IKZF2: variants seen among roughly 807,000 people sequenced by gnomAD.
IKZF2 encodes the protein zinc finger protein Helios.
Under a neutral mutation model 49.2 loss-of-function variants are expected in IKZF2, and 15 were observed. The observed-to-expected ratio is 0.30, with a 90% CI of 0.20 to 0.47. The LOEUF (loss-of-function observed/expected upper bound fraction) is 0.47, where lower values mean the gene tolerates loss of function less well. IKZF2 is among the 20% of genes least tolerant of loss of function. The probability of loss-of-function intolerance (pLI) is 1.00; values close to 1 mark genes in which losing one functional copy is unlikely to be tolerated. For synonymous variants in IKZF2, 227 were observed against 221.4 expected, an observed-to-expected ratio of 1.03 and a Z score of -0.23; for missense variants, 567 against 664.6, an observed-to-expected ratio of 0.85 and a Z score of 1.61.
chr2:213,150,458 T>C (rs1162278375), intron 1 of IKZF2: 6 of 207,894 alleles, frequency 2.9e-5, no homozygotes, highest in East Asian at 1.7e-4. Flanking sequence ...AACACCCCCC[T>C]CCTCCTCCTC....
chr2:213,148,607 C>T lies in IKZF2; in HGVS notation c.23G>A (p.Gly8Asp), dbSNP rs2125993034. The change falls in exon 3 of 9, where the codon GGC becomes GAC. Residue 8 changes from glycine to aspartate, a missense_variant. Transcript: ENST00000434687. Reference protein sequence around the residue: METEAIDGYITCDNELSP... With the variant: METEAIDDYITCDNELSP... The stretch of plus-strand genomic sequence containing the variant: ...AAACTAATACTTACACGTTATATAG[C>T]CATCAATAGCCTCTGTTTCCATAGT... 1.9e-6 allele frequency: 3 copies of T among 1,611,242 alleles called. No homozygotes were observed. Among genetic ancestry groups the T allele is most frequent in the African/African-American group, 1.3e-5 (1 of 74,976 alleles).
At chr2:213,088,421 T>C (rs1213262426) in intron 4 of IKZF2, among the ~76,000 whole-genome samples, 1 of 152,174 alleles carries the variant, frequency 6.6e-6, no homozygotes, top group African/African-American at 2.4e-5. Flanking sequence ...TATTAATTTA[T>C]ATCCAATTTC....
intron 4 of IKZF2, among the ~76,000 whole-genome samples, chr2:213,127,611 GT>G (rs2060309364): frequency 6.6e-6 from 1 of 152,160 alleles, no homozygotes; most frequent in African/African-American, 2.4e-5. Flanking sequence ...CTTCCAGATA[GT>G]TCATCCCATT....
intron 8 of IKZF2, among the ~76,000 whole-genome samples, chr2:213,013,011 T>C (rs76566949): frequency 2.0e-5 from 3 of 151,964 alleles, no homozygotes; most frequent in African/African-American, 7.2e-5. Context: ...ACAGCATGCA[T>C]CCAGAATGAT....
chr2:213,065,133 G>GT (rs1702049685), intron 4 of IKZF2, among the ~76,000 whole-genome samples: 1 of 151,504 alleles, frequency 6.6e-6, no homozygotes, highest in South Asian at 2.1e-4. Context: ...AGGTTTTTTT[G>GT]TTTTTTCTCA....
At chr2:213,138,500 CA>C (rs1339057584) in intron 4 of IKZF2, among the ~76,000 whole-genome samples, 1 of 151,940 alleles carries the variant, frequency 6.6e-6, no homozygotes, top group Non-Finnish European at 1.5e-5. Flanking sequence ...TCAAGTAGAT[CA>C]GAAGCATACT....
intron 7 of IKZF2, 97 bp downstream of exon 7, chr2:213,021,896 A>G (rs1697260165): frequency 1.7e-5 from 22 of 1,301,094 alleles, no homozygotes; most frequent in Non-Finnish European, 2.3e-5. Context: ...AGTTAAAGTG[A>G]TCTAAAATAG....
chr2:213,056,466 T>G (rs1701160070), intron 5 of IKZF2: 1 of 338,146 alleles, frequency 3.0e-6, no homozygotes, highest in Non-Finnish European at 5.7e-6. Context: ...TTTTGTAGTA[T>G]AAACTCTTAT....
At chr2:213,144,006 G>A (rs2060961232) in intron 4 of IKZF2, among the ~76,000 whole-genome samples, 1 of 151,834 alleles carries the variant, frequency 6.6e-6, no homozygotes, top group Non-Finnish European at 1.5e-5. Context: ...TCTCTAAGAG[G>A]TAAATTGATT....
Position 213,006,990 on chromosome 2 carries a change from T to G in IKZF2, c.*370A>C. ...AGTCCTACCCAGAAAACTCTGAACT[T>G]TCCTGTCTTCCATCATAATTCTGAA... On this transcript the variant is annotated 3_prime_UTR_variant, in exon 9 of 9. Transcript: ENST00000434687. 5.9e-6 allele frequency: 1 copy of G among 169,040 alleles called. No individual in the cohort carries two copies. 10.5% of individuals were successfully genotyped at this position (169,040 alleles called of 1,614,324 possible).
intron 4 of IKZF2, among the ~76,000 whole-genome samples, chr2:213,135,386 A>G (rs1280738623): frequency 6.6e-6 from 1 of 152,180 alleles, no homozygotes; most frequent in Non-Finnish European, 1.5e-5. Flanking sequence ...TTATTTGGAA[A>G]TGCCACTGTA....
intron 6 of IKZF2, among the ~76,000 whole-genome samples, chr2:213,047,737 G>T (rs1384467777): frequency 6.6e-6 from 1 of 152,040 alleles, no homozygotes; most frequent in East Asian, 1.9e-4. Flanking sequence ...AGGACAAGAA[G>T]AACTATGCTT....
Position 213,007,276 on chromosome 2 carries a change from T to C in IKZF2, c.*84A>G, listed in dbSNP as rs1040555202. ...AAAAAAATAAAAGGTATGTCAACATTTGAGGAAAGGTGGGATTGTAAGTGC... is the reference window on the plus strand; with the variant it reads ...AAAAAAATAAAAGGTATGTCAACATCTGAGGAAAGGTGGGATTGTAAGTGC... On this transcript the variant is annotated 3_prime_UTR_variant, in exon 9 of 9. Transcript: ENST00000434687. 2.1e-5 allele frequency: 29 copies of C among 1,407,108 alleles called. No individual in the cohort carries two copies. The South Asian group carries it at 3.9e-4, about 19-fold the overall frequency. The allele number at this position is 1,407,108 out of a possible 1,614,324, so 87.2% of individuals were successfully genotyped here. A position where few individuals can be genotyped will look rare whatever the true frequency, so the allele number is the denominator to read the frequency against.
chr2:213,075,051 C>T (rs961515701), intron 4 of IKZF2, among the ~76,000 whole-genome samples: 3 of 152,222 alleles, frequency 2.0e-5, no homozygotes, highest in African/African-American at 7.2e-5. Flanking sequence ...ATACACTATA[C>T]AGATACTGAG....
intron 1 of IKZF2, chr2:213,150,504 C>T (rs2061247879): frequency 3.9e-6 from 1 of 255,002 alleles, no homozygotes; most frequent in African/African-American, 2.2e-5. Flanking sequence ...TCCTTCCACC[C>T]CTCCCCCTCG....
chr2:213,126,102 A>G (rs753279181), intron 4 of IKZF2, among the ~76,000 whole-genome samples: 1 of 152,182 alleles, frequency 6.6e-6, no homozygotes, highest in Non-Finnish European at 1.5e-5. Context: ...ATCTCTATTT[A>G]GACTGCTCTT....
intron 6 of IKZF2, among the ~76,000 whole-genome samples, chr2:213,023,652 A>G (rs1313504686): frequency 1.3e-5 from 2 of 152,228 alleles, no homozygotes; most frequent in Non-Finnish European, 2.9e-5. Flanking sequence ...CTACATAACA[A>G]AAAGTATCTG....
intron 4 of IKZF2, among the ~76,000 whole-genome samples, chr2:213,092,266 C>T (rs190411023): frequency 6.6e-6 from 1 of 152,262 alleles, no homozygotes; most frequent in African/African-American, 2.4e-5. Context: ...GAGACTAAAG[C>T]AGTTCTCCTG....
Position 213,147,717 on chromosome 2 carries a change from T to A in IKZF2, c.130A>T (p.Met44Leu). The change falls in exon 4 of 9, where the codon ATG (methionine) becomes TTG (leucine). Residue 44 changes from methionine to leucine, a missense_variant. This residue lies in a region of IKZF2 where 156 missense variants were observed against 138.5 expected (regional missense o/e 1.13). Coordinates refer to ENST00000434687, the MANE Select transcript of IKZF2 (RefSeq NM_001387220.1). ...TAAAATGAAGACTTACTGCTTGTCA[T>A]GTGACTTGGTGAGGCATGCTGTCCA... is the stretch of plus-strand genomic sequence containing the variant. Reference protein sequence around the residue: ...PNGQHASPSHMTSTNSVKLEM... With the variant: ...PNGQHASPSHLTSTNSVKLEM... 6.2e-7 allele frequency: 1 copy of A among 1,612,736 alleles called. No homozygotes were observed. Among genetic ancestry groups the A allele is most frequent in the Non-Finnish European group, 8.5e-7 (1 of 1,178,688 alleles).
Sources: allele counts gnomAD v4.1 joint callset (sites outside exome capture counted in the v4.1 genomes callset), GRCh38; gene constraint gnomAD v4.1.1; regional missense constraint gnomAD v4.1.1; transcripts MANE v1.5; gene names NCBI Gene and HGNC (gene_info 2026-07-23, HGNC 2026-07-21).